OSMR: variants seen among roughly 807,000 people sequenced by gnomAD.
OSMR encodes oncostatin M receptor.
Under a neutral mutation model 99.9 loss-of-function variants are expected in OSMR, and 81 were observed. The observed-to-expected ratio is 0.81, with a 90% CI of 0.68 to 0.97. OSMR has a LOEUF of 0.97. Ranked by LOEUF, OSMR falls within the 50% of genes least tolerant of loss-of-function variation. The pLI is 0.00. For synonymous variants in OSMR, 406 were observed against 410.4 expected, an observed-to-expected ratio of 0.99 and a Z score of 0.13; for missense variants, 1,099 against 1,153.4, an observed-to-expected ratio of 0.95 and a Z score of 0.68.
chr5:38,917,224 A>G (rs1170950884), intron 9 of OSMR, among the ~76,000 whole-genome samples: 1 of 152,228 alleles, frequency 6.6e-6, no homozygotes, highest in Non-Finnish European at 1.5e-5. Flanking sequence ...AGTCAAAAAA[A>G]GGGGAAATTT....
intron 15 of OSMR, among the ~76,000 whole-genome samples, chr5:38,927,938 A>C (rs1403159726): frequency 1.3e-5 from 2 of 152,100 alleles, no homozygotes; most frequent in East Asian, 1.9e-4. Flanking sequence ...CTCAAGTTCA[A>C]CGTTCCACAG....
chr5:38,899,108 TGCCACCAC>T (rs1163410578), intron 7 of OSMR, among the ~76,000 whole-genome samples: 11 of 152,032 alleles, frequency 7.2e-5, no homozygotes, highest in African/African-American at 2.7e-4. Context: ...TGCAGGCACC[TGCCACCAC>T]GCCTGGCTAA....
intron 7 of OSMR, among the ~76,000 whole-genome samples, chr5:38,897,255 T>G (rs1214477025): frequency 6.6e-6 from 1 of 152,082 alleles, no homozygotes; most frequent in Non-Finnish European, 1.5e-5. Context: ...TGGTAGAGTT[T>G]AGCAGTGAAG....
At chr5:38,861,659 C>T (rs989134746) in intron 1 of OSMR, among the ~76,000 whole-genome samples, 4 of 152,134 alleles carry the variant, frequency 2.6e-5, no homozygotes, top group Admixed American at 6.5e-5. Flanking sequence ...GGGTGGTGGC[C>T]GGGCAGAGGG....
chr5:38,917,197 A>T (rs1442542373), intron 9 of OSMR, among the ~76,000 whole-genome samples: 1 of 152,220 alleles, frequency 6.6e-6, no homozygotes, highest in East Asian at 1.9e-4. Flanking sequence ...GAAGTAGCAA[A>T]GGTCTGCTGC....
chr5:38,926,780 A>G (rs917450612), intron 15 of OSMR, among the ~76,000 whole-genome samples: 3 of 152,182 alleles, frequency 2.0e-5, no homozygotes, highest in African/African-American at 4.8e-5. Flanking sequence ...TGCCTTTCCA[A>G]CAGTCCCCCA....
chr5:38,882,185 G>A (rs1262705547), intron 4 of OSMR, among the ~76,000 whole-genome samples: 2 of 152,224 alleles, frequency 1.3e-5, no homozygotes, highest in Non-Finnish European at 2.9e-5. Flanking sequence ...AGAGCATACA[G>A]TCGCTGTTGT....
At position 38,919,035 on chromosome 5, in the gene OSMR, A is replaced by G. The variant is rs755967607; in HGVS notation, c.1558A>G (p.Ile520Val). The G allele has an allele frequency of 5.0e-6, 8 of 1,613,914 alleles. No individual in the cohort carries two copies. In the African/African-American group the frequency reaches 6.7e-5, roughly 13 times the overall value. Residue 520 changes from isoleucine (I) to valine (V), a missense_variant, in exon 11 of 18, where the codon ATA becomes GTA. Physicochemically the swap from Ile to Val is conservative, Grantham distance 29. Transcript: ENST00000274276. ...TGTGGGTGCTTCTCCTGCTTCTGTA[A>G]TAGTCATCTCTGCAGACCCCGAAAA... is the stretch of plus-strand genomic sequence containing the variant. ...NSVGASPASV[I>V]VISADPENKE...
chr5:38,938,527 CA>C (rs989950968), downstream of OSMR: 10 of 232,474 alleles, frequency 4.3e-5, no homozygotes, highest in Non-Finnish European at 8.5e-5. Flanking sequence ...GAAAGTAAAA[CA>C]AAATGTGCAA....
chr5:38,860,528 T>A (rs560583142), intron 1 of OSMR, among the ~76,000 whole-genome samples: 3 of 152,336 alleles, frequency 2.0e-5, no homozygotes, highest in African/African-American at 7.2e-5. Context: ...CCTATATTTT[T>A]CTTTTTTTGT....
At chr5:38,851,030 T>C (rs1250068967) in intron 1 of OSMR, among the ~76,000 whole-genome samples, 1 of 152,182 alleles carries the variant, frequency 6.6e-6, no homozygotes, top group African/African-American at 2.4e-5. Flanking sequence ...CCCAGGCTGA[T>C]CCAGTAGGTA....
At chr5:38,910,883 G>A (rs1275126309) in intron 9 of OSMR, among the ~76,000 whole-genome samples, 1 of 152,140 alleles carries the variant, frequency 6.6e-6, no homozygotes, top group Non-Finnish European at 1.5e-5. Context: ...GGTGGCACGT[G>A]CCTGTAGTCC....
rs1487340967 is a variant in OSMR at position 38,904,373 on chromosome 5, G to T, written c.1155G>T (p.Val385=). The T allele has an allele frequency of 6.2e-7, 1 of 1,613,906 alleles. No individual in the cohort carries two copies. Among genetic ancestry groups the T allele is most frequent in the Non-Finnish European group, 8.5e-7 (1 of 1,179,908 alleles). ...AGCAGTACAATGTTTCCATCAAGGT[G>T]AACGGTGAGTACTTCTTAAGTGAAC... ...KMMQYNVSIK[V]NGEYFLSELE... The change falls in exon 9 of 18, where the codon GTG becomes GTT. Residue 385 remains valine, a synonymous_variant. Coordinates refer to ENST00000274276, the MANE Select transcript of OSMR (RefSeq NM_003999.3).
chr5:38,861,662 G>T (rs1272026977), intron 1 of OSMR, among the ~76,000 whole-genome samples: 3 of 152,168 alleles, frequency 2.0e-5, no homozygotes, highest in Admixed American at 6.5e-5. Context: ...TGGTGGCCGG[G>T]CAGAGGGGCT....
chr5:38,903,374 A>G (rs1024045823), intron 7 of OSMR, among the ~76,000 whole-genome samples: 3 of 152,216 alleles, frequency 2.0e-5, no homozygotes, highest in African/African-American at 7.2e-5. Context: ...CCTGGATTTT[A>G]TATCGTGACA....
chr5:38,891,648 C>A (rs1022146306), intron 7 of OSMR, among the ~76,000 whole-genome samples: 2 of 152,220 alleles, frequency 1.3e-5, no homozygotes, highest in African/African-American at 4.8e-5. Context: ...CCACCTGCCC[C>A]TGCCCCAGGC....
rs771960317 is a variant in OSMR at position 38,876,255 on chromosome 5, C to G, written c.128C>G (p.Ser43Cys). Residue 43 changes from serine (S) to cysteine (C), a missense_variant, in exon 3 of 18, where the codon TCT (serine) becomes TGT (cysteine). By Grantham distance (112) the Ser-to-Cys change is moderately radical. Transcript: ENST00000274276. ...TPVSLKVSTN[S>C]TRQSLHLQWT... ...GTATCACTTAAAGTTTCCACCAATT[C>G]TACGCGTCAGAGTTTGCACTTACAA... 2 of 1,613,838 alleles carry G rather than the reference C, an allele frequency of 1.2e-6. No homozygotes were observed. Among genetic ancestry groups the G allele is most frequent in the South Asian group, 1.1e-5 (1 of 91,032 alleles).
intron 15 of OSMR, among the ~76,000 whole-genome samples, chr5:38,926,476 C>T (rs1180591669): frequency 6.6e-6 from 1 of 152,168 alleles, no homozygotes; most frequent in Non-Finnish European, 1.5e-5. Flanking sequence ...GAAGGGAAAG[C>T]AAACACATCC....
At chr5:38,890,010 A>G (rs1435826861) in intron 7 of OSMR, among the ~76,000 whole-genome samples, 1 of 152,258 alleles carries the variant, frequency 6.6e-6, no homozygotes, top group African/African-American at 2.4e-5. Flanking sequence ...ATAACAAACT[A>G]TATATGATAC....
Sources: gnomAD v4.1 joint callset for allele counts (sites outside exome capture counted in the v4.1 genomes callset) on GRCh38, gnomAD v4.1.1 for gene constraint, MANE v1.5 for transcripts, NCBI Gene and HGNC (gene_info 2026-07-23, HGNC 2026-07-21) for gene names.